Variants in MFF observed in about 807,000 individuals in gnomAD.
MFF encodes chromosome 2 open reading frame 33.
A neutral mutation model predicts 36.9 loss-of-function variants in MFF; 12 were observed. The ratio of observed to expected loss-of-function variants is 0.33; its 90% CI spans 0.21 to 0.53. The LOEUF (loss-of-function observed/expected upper bound fraction) is 0.53. Ranked by LOEUF, MFF falls within the 20% of genes least tolerant of loss-of-function variation. MFF has a pLI of 0.95. For missense variants in MFF, 348 were observed against 366.6 expected (o/e 0.95, Z 0.42); for synonymous variants, 99 against 126.2 (o/e 0.78, Z 1.44).
chr2:227,331,251 C>T lies in MFF; in HGVS notation c.181+405C>T, dbSNP rs140348365. On this transcript the variant is annotated intron_variant, in intron 3 of 8. Transcript: ENST00000304593. ...ATAGCCAGAGAATAGATTTGTCTTT[C>T]CTAGAGTTTCATGTAAATGGAATCA... is the stretch of plus-strand genomic sequence containing the variant. 8.1e-3 allele frequency among the ~76,000 whole-genome samples: 1,226 copies of T among 152,270 alleles called. 12 individuals carry two copies. The highest frequency in any genetic ancestry group is 0.014 in the Non-Finnish European group (933 of 68,010).
At chr2:227,340,017 A>T (rs917752092) in intron 4 of MFF, among the ~76,000 whole-genome samples, 7 of 152,232 alleles carry the variant, frequency 4.6e-5, no homozygotes, top group African/African-American at 1.4e-4. Context: ...AGTAAAATTG[A>T]TACTTAAAAA....
intron 5 of MFF, among the ~76,000 whole-genome samples, chr2:227,345,032 A>G (rs1243210975): frequency 6.6e-6 from 1 of 152,186 alleles, no homozygotes; most frequent in Non-Finnish European, 1.5e-5. Flanking sequence ...CTTAGAATTG[A>G]GAGAGATCTT....
chr2:227,328,066 G>A (rs910903733), intron 1 of MFF, among the ~76,000 whole-genome samples: 6 of 151,994 alleles, frequency 3.9e-5, no homozygotes, highest in Non-Finnish European at 5.9e-5. Context: ...TTTTAACATC[G>A]TAAGTGAATG....
intron 6 of MFF, chr2:227,351,979 A>T (rs1293272855): frequency 1.3e-5 from 2 of 152,702 alleles, no homozygotes; most frequent in Admixed American, 6.5e-5. Flanking sequence ...CACAGCTGCA[A>T]CGAGACATCA....
At chr2:227,327,147 G>T (rs959461298) in intron 1 of MFF, among the ~76,000 whole-genome samples, 1 of 151,832 alleles carries the variant, frequency 6.6e-6, no homozygotes, top group African/African-American at 2.4e-5. Context: ...ATTAACTGTA[G>T]CAAAAAGTTA....
intron 7 of MFF, among the ~76,000 whole-genome samples, chr2:227,353,875 T>C (rs1430867442): frequency 3.3e-5 from 5 of 152,206 alleles, no homozygotes; most frequent in Non-Finnish European, 7.4e-5. Flanking sequence ...TTGCTTCTGT[T>C]TGATTTTTTT....
intron 4 of MFF, among the ~76,000 whole-genome samples, chr2:227,336,017 G>A (rs150750547): frequency 6.6e-6 from 1 of 152,332 alleles, no homozygotes; most frequent in African/African-American, 2.4e-5. Context: ...ACTAGGCAGT[G>A]TGAATGAGGA....
chr2:227,333,575 T>A (rs570580902), intron 4 of MFF, among the ~76,000 whole-genome samples: 1 of 152,352 alleles, frequency 6.6e-6, no homozygotes, highest in South Asian at 2.1e-4. Context: ...TCAAAAAGTT[T>A]GCTGTCTGTC....
At chr2:227,355,885 AT>A (rs1176589024) in intron 8 of MFF, 124 bp downstream of exon 8, 1 of 598,308 alleles carries the variant, frequency 1.7e-6, no homozygotes, top group Non-Finnish European at 3.0e-6. Context: ...GCCATCATTG[AT>A]TTTCTCATTT....
chr2:227,338,627 C>T (rs1255891205), intron 4 of MFF, among the ~76,000 whole-genome samples: 1 of 151,300 alleles, frequency 6.6e-6, no homozygotes, highest in African/African-American at 2.4e-5. Context: ...ATTAGGAGTT[C>T]GAGACCAGCC....
chr2:227,342,736 T>C lies in MFF; in HGVS notation c.440+2356T>C, dbSNP rs776864848. ...TGAATATGTAAAAGAAGCATAATTA[T>C]TATTTAAGGTGGCACAGATCAGATT... On this transcript the variant is annotated intron_variant, in intron 5 of 8. Coordinates refer to ENST00000304593, the MANE Select transcript of MFF (RefSeq NM_001277062.2). 19 of 1,605,298 alleles carry C rather than the reference T, an allele frequency of 1.2e-5. No homozygotes were observed. The Admixed American group carries it at 2.2e-4, about 19-fold the overall frequency.
intron 4 of MFF, among the ~76,000 whole-genome samples, chr2:227,333,065 C>T (rs1289137706): frequency 6.6e-6 from 1 of 152,184 alleles, no homozygotes; most frequent in Non-Finnish European, 1.5e-5. Context: ...GCAGTGTAGA[C>T]TAACAAGGTG....
intron 1 of MFF, among the ~76,000 whole-genome samples, 188 bp from the exon 2 acceptor site, chr2:227,328,490 G>T (rs1161732950): frequency 1.3e-5 from 2 of 152,048 alleles, no homozygotes; most frequent in African/African-American, 4.8e-5. Flanking sequence ...ATGAATAGTT[G>T]TAGGACCCCA....
chr2:227,335,395 C>G (rs2074919662), intron 4 of MFF, among the ~76,000 whole-genome samples: 1 of 152,038 alleles, frequency 6.6e-6, no homozygotes, highest in African/African-American at 2.4e-5. Flanking sequence ...ATGGGGTTTC[C>G]TTTTGGGCTG....
At chr2:227,326,066 T>G (rs1228441916) in intron 1 of MFF, among the ~76,000 whole-genome samples, 1 of 152,062 alleles carries the variant, frequency 6.6e-6, no homozygotes, top group African/African-American at 2.4e-5. Flanking sequence ...CGGTTCCTGT[T>G]CCGCCGAGCT....
intron 6 of MFF, chr2:227,351,653 G>A (rs1403405897): frequency 2.0e-5 from 3 of 152,230 alleles, no homozygotes; most frequent in Non-Finnish European, 2.9e-5. Context: ...GAATTGACCA[G>A]TGAACACTTA....
chr2:227,332,722 A>C (rs2106356698), intron 4 of MFF, 134 bp downstream of exon 4: 1 of 586,214 alleles, frequency 1.7e-6, no homozygotes, highest in South Asian at 3.9e-5. Context: ...TAATAATTCT[A>C]ATTTACAAAT....
intron 3 of MFF, 80 bp from the exon 4 acceptor site, chr2:227,332,339 T>G: frequency 9.1e-7 from 1 of 1,103,278 alleles, no homozygotes; most frequent in Middle Eastern, 2.3e-4. Flanking sequence ...AGAAGGTAAA[T>G]ACATTTTAAC....
chr2:227,340,367 A>G lies in MFF; in HGVS notation c.427A>G (p.Arg143Gly), dbSNP rs1278598703. The G allele has an allele frequency of 1.9e-6, 3 of 1,613,534 alleles. No individual in the cohort carries two copies. The Admixed American group carries it at 5.0e-5, about 27-fold the overall frequency. The change falls in exon 5 of 9, where the codon AGA becomes GGA. Residue 143 changes from arginine to glycine, a missense_variant. Coordinates refer to ENST00000304593, the MANE Select transcript of MFF (RefSeq NM_001277062.2). ...NAVRQNGQLV[R>G]NDSLVTPSPQ... Reference sequence around the variant, plus strand: ...TGTTCGCCAAAATGGACAGCTGGTCAGAAATGATTCTCTGTGAGTAGAAGC... The same window carrying G: ...TGTTCGCCAAAATGGACAGCTGGTCGGAAATGATTCTCTGTGAGTAGAAGC...
Sources: gnomAD v4.1 joint callset for allele counts (sites outside exome capture counted in the v4.1 genomes callset) on GRCh38, gnomAD v4.1.1 for gene constraint, MANE v1.5 for transcripts, NCBI Gene and HGNC (gene_info 2026-07-23, HGNC 2026-07-21) for gene names.